Variants in MSH3 observed in about 807,000 individuals in gnomAD.
MSH3 encodes the protein mutS homolog 3.
MSH3 carries 106 observed loss-of-function variants against 123.3 expected under a neutral mutation model. The observed-to-expected ratio is 0.86, with a 90% CI of 0.73 to 1.01. The LOEUF (loss-of-function observed/expected upper bound fraction) is 1.01, where lower values mean the gene tolerates loss of function less well. MSH3 is among the 50% of genes least tolerant of loss of function. MSH3 has a pLI of 0.00. For missense variants in MSH3, 1,459 were observed against 1,347.6 expected (o/e 1.08, Z -1.29); for synonymous variants, 515 against 481.4 (o/e 1.07, Z -0.91).
chr5:80,678,956 G>T lies in MSH3; in HGVS notation c.1203G>T (p.Val401=), dbSNP rs1414371236. 3 of 1,614,140 alleles carry T rather than the reference G, an allele frequency of 1.9e-6. No homozygotes were observed. The highest frequency in any genetic ancestry group is 1.7e-6 in the Non-Finnish European group (2 of 1,180,002). ...TGCAGCCTGCCACAGGCGAGGTTGTGTTTGATAGTTTCCAGGACTCTGCTT... is the reference window on the plus strand; with the variant it reads ...TGCAGCCTGCCACAGGCGAGGTTGTTTTTGATAGTTTCCAGGACTCTGCTT... ...VGVQPATGEV[V]FDSFQDSASR... is the part of the protein sequence containing the mutation. The change falls in exon 8 of 24, where the codon GTG becomes GTT. Residue 401 remains valine, a synonymous_variant. Transcript: ENST00000265081.
At chr5:80,872,803 T>C (rs551294968) in intron 22 of MSH3, among the ~76,000 whole-genome samples, 163 of 152,334 alleles carry the variant, frequency 1.1e-3, no homozygotes, top group Middle Eastern at 3.4e-3. Flanking sequence ...CAAGACCCTA[T>C]CTCTAAAAAA....
chr5:80,693,465 A>G (rs187654936), intron 8 of MSH3, among the ~76,000 whole-genome samples: 912 of 145,364 alleles, frequency 6.3e-3, no homozygotes, highest in African/African-American at 0.022. Flanking sequence ...ATATACATGC[A>G]CATGTATATG....
chr5:80,831,056 A>G (rs1216599069), intron 20 of MSH3, among the ~76,000 whole-genome samples: 2 of 152,228 alleles, frequency 1.3e-5, no homozygotes, highest in African/African-American at 2.4e-5. Context: ...TAAACCCATC[A>G]TAAGTCAGAA....
chr5:80,833,805 G>A (rs1192170473), intron 20 of MSH3, among the ~76,000 whole-genome samples: 2 of 152,174 alleles, frequency 1.3e-5, no homozygotes, highest in Non-Finnish European at 1.5e-5. Context: ...GAGCCACTGC[G>A]CCCAGCCATC....
chr5:80,733,479 C>T (rs1165397587), intron 10 of MSH3, among the ~76,000 whole-genome samples: 1 of 151,986 alleles, frequency 6.6e-6, no homozygotes, highest in East Asian at 1.9e-4. Context: ...ATACATTGGA[C>T]TTCATCAAAG....
chr5:80,843,460 A>G (rs1231308835), intron 20 of MSH3, among the ~76,000 whole-genome samples: 1 of 152,130 alleles, frequency 6.6e-6, no homozygotes. Context: ...TGTTGATTGG[A>G]ATAGTTTCAG....
intron 13 of MSH3, among the ~76,000 whole-genome samples, chr5:80,765,552 ATACT>A (rs1472714456): frequency 6.6e-6 from 1 of 152,138 alleles, no homozygotes; most frequent in Non-Finnish European, 1.5e-5. Context: ...TATTTCATAT[ATACT>A]ATCTATTATG....
At chr5:80,776,403 A>G (rs994718639) in intron 16 of MSH3, among the ~76,000 whole-genome samples, 1 of 152,210 alleles carries the variant, frequency 6.6e-6, no homozygotes, top group Non-Finnish European at 1.5e-5. Context: ...TTCATGGTGA[A>G]TGCTATGCCT....
chr5:80,774,406 C>CAAA (rs201125276), intron 15 of MSH3, among the ~76,000 whole-genome samples: 2 of 121,806 alleles, frequency 1.6e-5, no homozygotes, highest in African/African-American at 2.9e-5. Context: ...GGAGGTCCCT[C>CAAA]AAAAAAAAAA....
At chr5:80,770,292 T>C (rs1451429882) in intron 15 of MSH3, among the ~76,000 whole-genome samples, 1 of 150,428 alleles carries the variant, frequency 6.6e-6, no homozygotes, top group African/African-American at 2.4e-5. Context: ...TTTTTTACAG[T>C]GGAGAAAGTA....
intron 7 of MSH3, among the ~76,000 whole-genome samples, chr5:80,677,790 C>T (rs1749875790): frequency 6.6e-6 from 1 of 152,140 alleles, no homozygotes; most frequent in African/African-American, 2.4e-5. Flanking sequence ...CTTTTGTTTA[C>T]CATTTTGTAT....
chr5:80,837,323 T>A (rs245373), intron 20 of MSH3, among the ~76,000 whole-genome samples: 1 of 151,992 alleles, frequency 6.6e-6, no homozygotes, highest in Non-Finnish European at 1.5e-5. Flanking sequence ...TCACGCCTAT[T>A]ATCTCAGCAC....
chr5:80,827,670 G>C (rs938877352), intron 20 of MSH3, among the ~76,000 whole-genome samples: 4 of 152,120 alleles, frequency 2.6e-5, no homozygotes, highest in African/African-American at 9.7e-5. Flanking sequence ...TTCTTTAACT[G>C]TGTCTAGCAA....
At chr5:80,662,264 T>C (rs995055486) in intron 2 of MSH3, among the ~76,000 whole-genome samples, 2 of 152,216 alleles carry the variant, frequency 1.3e-5, no homozygotes, top group African/African-American at 4.8e-5. Context: ...TGTAGGAGGC[T>C]ATACCATCAT....
intron 22 of MSH3, among the ~76,000 whole-genome samples, chr5:80,872,210 C>T (rs1746226188): frequency 6.6e-6 from 1 of 152,120 alleles, no homozygotes; most frequent in East Asian, 1.9e-4. Flanking sequence ...TGGTTCATGC[C>T]TGTAATCCCA....
rs761526898 is a variant in MSH3 at position 80,670,302 on chromosome 5, A to G, written c.785A>G (p.Asp262Gly). 1 of 1,614,072 alleles carries G rather than the reference A, an allele frequency of 6.2e-7. No individual in the cohort carries two copies. Residue 262 changes from aspartate to glycine, a missense_variant, in exon 4 of 24, where the codon GAT (aspartate) becomes GGT (glycine). By Grantham distance (94) the Asp-to-Gly change is moderately conservative (BLOSUM62 -1). Coordinates refer to ENST00000265081, the MANE Select transcript of MSH3 (RefSeq NM_002439.5). The stretch of plus-strand genomic sequence containing the variant: ...TATAAGTATAGATTCTTTGGGGAAG[A>G]TGCAGAGGTAAGTCGTCTTTTCAGG... ...CGYKYRFFGE[D>G]AEIAARELNI...
intron 12 of MSH3, among the ~76,000 whole-genome samples, chr5:80,751,244 T>G (rs1249114338): frequency 1.3e-5 from 2 of 152,178 alleles, no homozygotes; most frequent in African/African-American, 4.8e-5. Flanking sequence ...CAGAACAACA[T>G]GAATTCTGCT....
chr5:80,842,529 C>G (rs978489330), intron 20 of MSH3, among the ~76,000 whole-genome samples: 2 of 152,136 alleles, frequency 1.3e-5, no homozygotes, highest in Non-Finnish European at 2.9e-5. Flanking sequence ...ATTGATTCTT[C>G]CTATCCATGA....
intron 3 of MSH3, among the ~76,000 whole-genome samples, chr5:80,667,778 C>A (rs568539201): frequency 6.6e-6 from 1 of 152,320 alleles, no homozygotes; most frequent in South Asian, 2.1e-4. Flanking sequence ...ACTGCAGAGC[C>A]CCAGAGAGGG....
Sources: allele counts gnomAD v4.1 joint callset (sites outside exome capture counted in the v4.1 genomes callset), GRCh38; gene constraint gnomAD v4.1.1; transcripts MANE v1.5; gene names NCBI Gene and HGNC (gene_info 2026-07-23, HGNC 2026-07-21).